Variants in NKAIN1 observed in about 807,000 individuals in gnomAD.
NKAIN1 encodes sodium/potassium transporting ATPase interacting 1.
NKAIN1 carries 13 observed loss-of-function variants against 31.6 expected under a neutral mutation model. The ratio of observed to expected loss-of-function variants is 0.41; its 90% CI spans 0.27 to 0.65. The LOEUF is 0.65. NKAIN1 is among the 30% of genes least tolerant of loss of function. The probability of loss-of-function intolerance (pLI) is 0.30; values close to 1 mark genes in which losing one functional copy is unlikely to be tolerated. For missense variants in NKAIN1, 193 were observed against 262.2 expected (o/e 0.74, Z 1.82); for synonymous variants, 104 against 109.0 (o/e 0.95, Z 0.28).
At chr1:31,221,600 T>C (rs2148363980) in intron 1 of NKAIN1, among the ~76,000 whole-genome samples, 1 of 151,962 alleles carries the variant, frequency 6.6e-6, no homozygotes, top group Middle Eastern at 3.4e-3. Context: ...CAAGCCCAGC[T>C]AATTTTTGTA....
At chr1:31,229,514 T>G (rs1291422629) in intron 1 of NKAIN1, among the ~76,000 whole-genome samples, 40 of 152,160 alleles carry the variant, frequency 2.6e-4, no homozygotes, top group Non-Finnish European at 7.3e-5. Context: ...GGACGACAGG[T>G]GCATGCTACC....
chr1:31,227,472 C>G (rs532043193), intron 1 of NKAIN1, among the ~76,000 whole-genome samples: 79 of 152,298 alleles, frequency 5.2e-4, no homozygotes, highest in African/African-American at 1.8e-3. Flanking sequence ...GCTGTGCCCA[C>G]CCCACAGGGT....
intron 1 of NKAIN1, among the ~76,000 whole-genome samples, chr1:31,194,970 C>T (rs1645313299): frequency 1.3e-5 from 2 of 151,364 alleles, no homozygotes; most frequent in East Asian, 1.9e-4. Flanking sequence ...TGGGGTTTCA[C>T]CATGTTAGTC....
At chr1:31,202,735 T>G (rs1464921928) in intron 1 of NKAIN1, among the ~76,000 whole-genome samples, 1 of 150,750 alleles carries the variant, frequency 6.6e-6, no homozygotes, top group East Asian at 1.9e-4. Context: ...TCCCAGCACT[T>G]TGGGAGGCCA....
chr1:31,203,776 G>T (rs556299602), intron 1 of NKAIN1, among the ~76,000 whole-genome samples: 3 of 151,980 alleles, frequency 2.0e-5, no homozygotes, highest in Non-Finnish European at 4.4e-5. Context: ...GTAGAGATGG[G>T]GTTTCACTAT....
chr1:31,206,707 G>C (rs894038712), intron 1 of NKAIN1, among the ~76,000 whole-genome samples: 2 of 151,974 alleles, frequency 1.3e-5, no homozygotes, highest in African/African-American at 2.4e-5. Flanking sequence ...AAAGTGCAGG[G>C]ATTATAGGTG....
At chr1:31,195,934 T>C (rs1645323192) in intron 1 of NKAIN1, among the ~76,000 whole-genome samples, 1 of 149,474 alleles carries the variant, frequency 6.7e-6, no homozygotes. Flanking sequence ...TTGCAGCTGA[T>C]ATCAGCCTTA....
intron 1 of NKAIN1, among the ~76,000 whole-genome samples, chr1:31,214,924 C>A (rs914724002): frequency 7.9e-5 from 12 of 152,322 alleles, no homozygotes; most frequent in Non-Finnish European, 1.0e-4. Flanking sequence ...TGGGATGGGA[C>A]ACTAAGCCCT....
At chr1:31,232,373 G>A (rs1211544430) in intron 1 of NKAIN1, among the ~76,000 whole-genome samples, 1 of 126,176 alleles carries the variant, frequency 7.9e-6, no homozygotes, top group African/African-American at 2.9e-5. Flanking sequence ...TTACAGGCAT[G>A]AGCCACCGTG....
chr1:31,237,095 A>C (rs898419269), intron 1 of NKAIN1, among the ~76,000 whole-genome samples: 9 of 152,052 alleles, frequency 5.9e-5, no homozygotes. Flanking sequence ...TCTAAAACAC[A>C]AAAAAATTAG....
intron 1 of NKAIN1, among the ~76,000 whole-genome samples, chr1:31,195,279 C>T (rs909291322): frequency 3.3e-5 from 5 of 151,774 alleles, no homozygotes; most frequent in Admixed American, 6.6e-5. Context: ...CCACCATGCC[C>T]GGCTTAATTT....
intron 1 of NKAIN1, among the ~76,000 whole-genome samples, chr1:31,193,295 C>T (rs1157686873): frequency 6.6e-6 from 1 of 150,668 alleles, no homozygotes; most frequent in Non-Finnish European, 1.5e-5. Flanking sequence ...GTCTCCATCT[C>T]CTGACTTTGT....
intron 1 of NKAIN1, among the ~76,000 whole-genome samples, chr1:31,215,294 A>C (rs1047253591): frequency 1.3e-5 from 2 of 152,144 alleles, no homozygotes; most frequent in Admixed American, 6.5e-5. Context: ...TACTCCCCCC[A>C]ACCCAGGGCT....
intron 1 of NKAIN1, among the ~76,000 whole-genome samples, chr1:31,230,157 C>A (rs957353768): frequency 6.6e-6 from 1 of 152,182 alleles, no homozygotes; most frequent in Non-Finnish European, 1.5e-5. Flanking sequence ...CCCCACAGTA[C>A]TCGGATTGCA....
At position 31,181,626 on chromosome 1, in the gene NKAIN1, C is replaced by A; in HGVS notation, c.*77G>T. The A allele has an allele frequency of 7.3e-7, 1 of 1,378,682 alleles. No homozygotes were observed. The highest frequency in any genetic ancestry group is 9.6e-7 in the Non-Finnish European group (1 of 1,046,318). The allele number at this position is 1,378,682 out of a possible 1,614,324, so 85.4% of individuals were successfully genotyped here. A position where few individuals can be genotyped will look rare whatever the true frequency, so the allele number is the denominator to read the frequency against. On this transcript the variant is annotated 3_prime_UTR_variant, in exon 7 of 7. Transcript: ENST00000373736. ...GAGCGCGCGGGCCACCAGGGGGACA[C>A]GCCTGCGCCTTGGCCCGAGCTCGCG...
At chr1:31,207,245 G>A (rs560113223) in intron 1 of NKAIN1, among the ~76,000 whole-genome samples, 1 of 152,268 alleles carries the variant, frequency 6.6e-6, no homozygotes, top group African/African-American at 2.4e-5. Flanking sequence ...GTGACCTTCA[G>A]TAAGTCACTT....
intron 1 of NKAIN1, among the ~76,000 whole-genome samples, chr1:31,235,752 A>G (rs528410443): frequency 6.6e-6 from 1 of 152,330 alleles, no homozygotes; most frequent in East Asian, 1.9e-4. Flanking sequence ...CATTTTACAG[A>G]TGGAAAAACC....
At chr1:31,211,621 A>T (rs1179696407) in intron 1 of NKAIN1, among the ~76,000 whole-genome samples, 2 of 142,886 alleles carry the variant, frequency 1.4e-5, no homozygotes, top group Non-Finnish European at 1.6e-5. Flanking sequence ...TTTTTCAGGA[A>T]TGTATAAGTT....
chr1:31,230,927 G>A (rs1006320427), intron 1 of NKAIN1, among the ~76,000 whole-genome samples: 22 of 146,480 alleles, frequency 1.5e-4, no homozygotes, highest in Non-Finnish European at 2.2e-4. Flanking sequence ...TTGTTGCCCA[G>A]GCCGGAGTGT....
Sources: gnomAD v4.1 joint callset for allele counts (sites outside exome capture counted in the v4.1 genomes callset) on GRCh38, gnomAD v4.1.1 for gene constraint, MANE v1.5 for transcripts, NCBI Gene and HGNC (gene_info 2026-07-23, HGNC 2026-07-21) for gene names.